Variants in UGT1A10 observed in about 807,000 individuals in gnomAD.
The protein encoded by UGT1A10 is UDP glucuronosyltransferase family 1 member A10, also known as UDP-glucuronosyltransferase 1A10.
UGT1A10 carries 49 observed loss-of-function variants against 45.8 expected under a neutral mutation model. The observed-to-expected ratio is 1.07, with a 90% CI of 0.85 to 1.36. The LOEUF is 1.36. Among genes scored for constraint, UGT1A10 ranks in the 40% most tolerant of loss-of-function variants. The pLI is 0.00. For synonymous variants in UGT1A10, 284 were observed against 249.7 expected, an observed-to-expected ratio of 1.14 and a Z score of -1.29; for missense variants, 745 against 668.6, an observed-to-expected ratio of 1.11 and a Z score of -1.26.
rs115332590 is a variant in UGT1A10 at position 233,732,850 on chromosome 2, G to T, written c.856-34184G>T. Among the ~76,000 whole-genome samples the T allele has an allele frequency of 7.9e-3, 1,186 of 150,004 alleles. 18 individuals carry two copies. Among genetic ancestry groups the T allele is most frequent in the African/African-American group, 0.025 (998 of 40,660 alleles). On this transcript the variant is annotated intron_variant, in intron 1 of 4. Coordinates refer to ENST00000344644, the MANE Select transcript of UGT1A10 (RefSeq NM_019075.4). ...AAGTAGTTTTTTCCAATTTTGTGAA[G>T]TCATTGGTAGCTTGATGGGTTTGGC...
chr2:233,658,616 G>A (rs1028610005), intron 1 of UGT1A10, among the ~76,000 whole-genome samples: 2 of 152,166 alleles, frequency 1.3e-5, no homozygotes, highest in Non-Finnish European at 2.9e-5. Context: ...GTCTTGGTTT[G>A]TCTGATGTTT....
intron 1 of UGT1A10, among the ~76,000 whole-genome samples, chr2:233,766,376 C>T (rs1699131127): frequency 6.6e-6 from 1 of 152,176 alleles, no homozygotes; most frequent in Admixed American, 6.5e-5. Context: ...GAGTTCTTCT[C>T]AATGTCCAGC....
intron 1 of UGT1A10, among the ~76,000 whole-genome samples, chr2:233,674,621 G>C (rs775720901): frequency 6.7e-6 from 1 of 149,430 alleles, no homozygotes; most frequent in African/African-American, 2.4e-5. Context: ...AACTATATAT[G>C]GTTTCATTTA....
chr2:233,637,471 G>A, intron 1 of UGT1A10, 94 bp downstream of exon 1: 1 of 1,498,132 alleles, frequency 6.7e-7, no homozygotes, highest in Non-Finnish European at 8.9e-7. Flanking sequence ...ATTTTCGTTT[G>A]TTGCATTTCA....
intron 1 of UGT1A10, chr2:233,719,118 T>C (rs1175236836): frequency 6.2e-7 from 1 of 1,614,062 alleles, no homozygotes; most frequent in East Asian, 2.2e-5. Flanking sequence ...CACTCAAGGG[T>C]TCTTTGAAAC....
chr2:233,733,221 G>A (rs531413389), intron 1 of UGT1A10, among the ~76,000 whole-genome samples: 6 of 152,072 alleles, frequency 3.9e-5, no homozygotes, highest in African/African-American at 1.4e-4. Context: ...GAGACAATGG[G>A]GTTTTCTAAA....
chr2:233,747,014 C>A (rs774665109), intron 1 of UGT1A10, among the ~76,000 whole-genome samples: 1 of 151,838 alleles, frequency 6.6e-6, no homozygotes, highest in Non-Finnish European at 1.5e-5. Context: ...TAGGAGTGAT[C>A]GGTCTTTCCC....
intron 1 of UGT1A10, among the ~76,000 whole-genome samples, chr2:233,731,009 C>T (rs868145572): frequency 3.3e-5 from 5 of 152,260 alleles, no homozygotes; most frequent in Middle Eastern, 3.4e-3. Flanking sequence ...CCATGTACAT[C>T]GTGAGAGAAT....
intron 1 of UGT1A10, among the ~76,000 whole-genome samples, chr2:233,766,718 A>C (rs1196148509): frequency 6.6e-6 from 1 of 152,074 alleles, no homozygotes; most frequent in East Asian, 1.9e-4. Flanking sequence ...CTCTAAGTGG[A>C]ATTATCACTG....
At chr2:233,746,073 G>A (rs1049176727) in intron 1 of UGT1A10, among the ~76,000 whole-genome samples, 4 of 151,780 alleles carry the variant, frequency 2.6e-5, no homozygotes, top group Admixed American at 6.6e-5. Flanking sequence ...AAGAGAAGAG[G>A]AGTCACTTCT....
chr2:233,672,751 G>A, intron 1 of UGT1A10: 3 of 1,613,754 alleles, frequency 1.9e-6, no homozygotes, highest in Non-Finnish European at 2.5e-6. Context: ...GATCTTCATT[G>A]GTGGTATCAA....
chr2:233,669,695 T>C (rs1225365093), intron 1 of UGT1A10, among the ~76,000 whole-genome samples: 1 of 152,190 alleles, frequency 6.6e-6, no homozygotes, highest in African/African-American at 2.4e-5. Context: ...TTTTGTTTTT[T>C]ATTTTTGAGA....
chr2:233,732,919 A>G (rs1421681108), intron 1 of UGT1A10, among the ~76,000 whole-genome samples: 1 of 151,874 alleles, frequency 6.6e-6, no homozygotes, highest in Non-Finnish European at 1.5e-5. Flanking sequence ...CATTTTCACG[A>G]TATTGATTCT....
intron 1 of UGT1A10, chr2:233,690,479 G>A (rs1407295100): frequency 5.4e-6 from 7 of 1,288,496 alleles, no homozygotes; most frequent in Non-Finnish European, 7.1e-6. Context: ...TTTACTTTTT[G>A]GGAAATCTGC....
intron 1 of UGT1A10, among the ~76,000 whole-genome samples, chr2:233,720,850 C>A (rs2076896670): frequency 6.6e-6 from 1 of 150,800 alleles, no homozygotes; most frequent in African/African-American, 2.5e-5. Context: ...GGACTGCAGG[C>A]ATGTGCCACT....
intron 1 of UGT1A10, among the ~76,000 whole-genome samples, chr2:233,650,846 G>A (rs1479774923): frequency 4.6e-5 from 7 of 152,124 alleles, no homozygotes; most frequent in African/African-American, 1.7e-4. Context: ...CCATGCTTAA[G>A]TTTTTCATAA....
intron 1 of UGT1A10, among the ~76,000 whole-genome samples, chr2:233,719,925 G>A (rs974352180): frequency 3.9e-5 from 6 of 152,132 alleles, no homozygotes; most frequent in Non-Finnish European, 8.8e-5. Flanking sequence ...TGTGACTCAC[G>A]GACAGTGTTT....
chr2:233,747,429 A>G, intron 1 of UGT1A10: 8 of 1,608,684 alleles, frequency 5.0e-6, no homozygotes, highest in Non-Finnish European at 6.8e-6. Context: ...CAAACAAGAG[A>G]AATTTTTCAC....
chr2:233,745,245 C>T (rs931474657), intron 1 of UGT1A10, among the ~76,000 whole-genome samples: 3 of 151,778 alleles, frequency 2.0e-5, no homozygotes, highest in African/African-American at 7.3e-5. Flanking sequence ...TTTACTGTAT[C>T]GAAACCATTA....
Sources: gnomAD v4.1 joint callset for allele counts (sites outside exome capture counted in the v4.1 genomes callset) on GRCh38, gnomAD v4.1.1 for gene constraint, MANE v1.5 for transcripts, NCBI Gene and HGNC (gene_info 2026-07-23, HGNC 2026-07-21) for gene names.